The following ZNF829 variants were observed in gnomAD, a reference collection of about 807,000 sequenced individuals.
The protein encoded by ZNF829 is zinc finger protein 829.
A neutral mutation model predicts 35.2 loss-of-function variants in ZNF829; 25 were observed. The observed-to-expected ratio is 0.71, with a 90% CI of 0.52 to 0.99. The LOEUF (loss-of-function observed/expected upper bound fraction) is 0.99. Among genes scored for constraint, ZNF829 ranks in the 50% least tolerant of loss-of-function variants. The pLI is 0.00. For missense variants in ZNF829, 417 were observed against 515.3 expected (o/e 0.81, Z 1.85); for synonymous variants, 136 against 163.2 (o/e 0.83, Z 1.27).
chr19:36,902,004 T>A, intron 5 of ZNF829: 1 of 710,122 alleles, frequency 1.4e-6, no homozygotes, highest in Non-Finnish European at 2.6e-6. Context: ...CATGTGCGGT[T>A]GTCCAGAATA....
intron 3 of ZNF829, among the ~76,000 whole-genome samples, chr19:36,913,673 G>GAAGAAA (rs1473021643): frequency 1.3e-5 from 2 of 152,132 alleles, no homozygotes; most frequent in Non-Finnish European, 2.9e-5. Flanking sequence ...AAGGGGGAGA[G>GAAGAAA]AATGATACGG....
intron 5 of ZNF829, among the ~76,000 whole-genome samples, chr19:36,899,182 G>A (rs2073139390): frequency 6.6e-6 from 1 of 152,128 alleles, no homozygotes; most frequent in Non-Finnish European, 1.5e-5. Context: ...GCTCATAACT[G>A]TAATCCCAGC....
chr19:36,915,769 G>C (rs2010342), intron 1 of ZNF829: 136,401 of 1,262,544 alleles, frequency 0.11, 8,742 homozygotes, highest in African/African-American at 0.2. Flanking sequence ...GCTAATTTTT[G>C]TATTTTTAGT....
Position 36,915,160 on chromosome 19 carries a change from T to TG in ZNF829, c.7dup (p.His3ProfsTer22). 1 of 1,614,110 alleles carries TG rather than the reference T, an allele frequency of 6.2e-7. No homozygotes were observed. The highest frequency in any genetic ancestry group is 8.5e-7 in the Non-Finnish European group (1 of 1,180,022). Reference sequence around the variant, plus strand: ...ATGAGGAATGGAGATCAGAGGAGAATGGGGCATTCTGTCCAATTCCAGTGG... The same window carrying TG: ...ATGAGGAATGGAGATCAGAGGAGAATGGGGGCATTCTGTCCAATTCCAGTGG... On this transcript the variant is annotated frameshift_variant, in exon 2 of 6. Coordinates refer to ENST00000391711, the MANE Select transcript of ZNF829 (RefSeq NM_001037232.4). LOFTEE classifies it high-confidence loss of function.
intron 5 of ZNF829, chr19:36,892,888 C>G: frequency 2.6e-6 from 3 of 1,159,588 alleles, no homozygotes; most frequent in Non-Finnish European, 3.3e-6. Flanking sequence ...GCTCCGACTG[C>G]AAGGCCATCA....
intron 5 of ZNF829, 41 bp from the exon 6 acceptor site, chr19:36,892,512 G>A: frequency 6.6e-7 from 1 of 1,514,418 alleles, no homozygotes; most frequent in Non-Finnish European, 8.8e-7. Context: ...TCCTATTCTG[G>A]GCAAGTTAAA....
chr19:36,912,248 T>C, intron 3 of ZNF829, among the ~76,000 whole-genome samples: 1 of 152,202 alleles, frequency 6.6e-6, no homozygotes, highest in East Asian at 1.9e-4. Context: ...CTAGAGGTTG[T>C]AATTAGTAAA....
chr19:36,914,980 TAGA>T lies in ZNF829; in HGVS notation c.78_80del (p.Leu27del), dbSNP rs2073299420. On this transcript the variant is annotated inframe_deletion, in exon 3 of 6. Coordinates refer to ENST00000391711, the MANE Select transcript of ZNF829 (RefSeq NM_001037232.4). ...CCCAACACACCTTGGATACTGCTTG[TAGA>T]AGTTCATCATGCATTCTTTCCTCCT... is the stretch of plus-strand genomic sequence containing the variant. 6.2e-7 allele frequency: 1 copy of T among 1,614,052 alleles called. No homozygotes were observed. Among genetic ancestry groups the T allele is most frequent in the African/African-American group, 1.3e-5 (1 of 74,916 alleles).
intron 3 of ZNF829, among the ~76,000 whole-genome samples, chr19:36,911,190 A>G (rs2146249731): frequency 6.6e-6 from 1 of 151,618 alleles, no homozygotes; most frequent in South Asian, 2.1e-4. Context: ...TGTCTGAAGC[A>G]GGTACAGTCT....
intron 5 of ZNF829, chr19:36,892,722 C>T (rs2073070258): frequency 1.8e-6 from 1 of 568,196 alleles, no homozygotes; most frequent in South Asian, 2.9e-5. Flanking sequence ...CCAGAGTCAC[C>T]TTAAGCCTTG....
In ZNF829 at chr19:36,892,126, C is replaced by G; in HGVS notation, c.665G>C (p.Ser222Thr). Reference sequence around the variant, plus strand: ...ATGTTGAGAAAAATATGAACTACAACTAAAAGCCTTGCCACATTCCTTACA... The same window carrying G: ...ATGTTGAGAAAAATATGAACTACAAGTAAAAGCCTTGCCACATTCCTTACA... ...YECKECGKAF[S>T]CSSYFSQHQR... Residue 222 changes from serine to threonine, a missense_variant, in exon 6 of 6, where the codon AGT (serine) becomes ACT (threonine). Ser to Thr is a moderately conservative substitution (Grantham distance 58). Transcript: ENST00000391711. 1 of 1,613,990 alleles carries G rather than the reference C, an allele frequency of 6.2e-7. No homozygotes were observed. Among genetic ancestry groups the G allele is most frequent in the Non-Finnish European group, 8.5e-7 (1 of 1,179,972 alleles).
At chr19:36,901,928 C>G (rs995247295) in intron 5 of ZNF829, 1 of 761,452 alleles carries the variant, frequency 1.3e-6, no homozygotes, top group African/African-American at 1.7e-5. Flanking sequence ...TCCAGATGTG[C>G]GCACTGATAC....
rs2073032204 is a variant in ZNF829, at chr19:36,889,681, A to G, written c.*1811T>C. 6.6e-6 allele frequency: 1 copy of G among 152,042 alleles called. No homozygotes were observed. Among genetic ancestry groups the G allele is most frequent in the South Asian group, 2.1e-4 (1 of 4,828 alleles). 9.4% of individuals were successfully genotyped at this position (152,042 alleles called of 1,614,324 possible). On this transcript the variant is annotated 3_prime_UTR_variant, in exon 6 of 6. Coordinates refer to ENST00000391711, the MANE Select transcript of ZNF829 (RefSeq NM_001037232.4). ...ATCTTCTTTTTTTCTTGGTTAATCT[A>G]GCTAGTGGTCTGTCAGTTTTATCTT...
At chr19:36,902,021 G>A in intron 5 of ZNF829, 2 of 663,282 alleles carry the variant, frequency 3.0e-6, no homozygotes, top group South Asian at 1.6e-5. Flanking sequence ...AATACGTAAT[G>A]GGGATGAAGA....
chr19:36,900,519 AC>A (rs1422857463), intron 5 of ZNF829, among the ~76,000 whole-genome samples: 2 of 151,904 alleles, frequency 1.3e-5, no homozygotes, highest in African/African-American at 4.8e-5. Context: ...CCTACTATGT[AC>A]CCAAAAAATT....
chr19:36,893,106 A>C (rs1305119565), intron 5 of ZNF829: 3 of 397,684 alleles, frequency 7.5e-6, no homozygotes, highest in African/African-American at 2.1e-5. Context: ...TGTTAAGAAT[A>C]ACAAATGTGT....
At chr19:36,906,934 A>T (rs904787372) in intron 5 of ZNF829, 1 of 151,640 alleles carries the variant, frequency 6.6e-6, no homozygotes, top group Admixed American at 6.6e-5. Flanking sequence ...TAAAAATACA[A>T]AAAATTAGCT....
At chr19:36,905,314 T>C (rs2073206209) in intron 5 of ZNF829, 1 of 148,188 alleles carries the variant, frequency 6.7e-6, no homozygotes, top group Admixed American at 6.6e-5. Context: ...AAGTCAAACA[T>C]TTTTATAAGA....
At chr19:36,904,859 G>A (rs1208996549) in intron 5 of ZNF829, among the ~76,000 whole-genome samples, 10 of 152,134 alleles carry the variant, frequency 6.6e-5, no homozygotes, top group Admixed American at 6.6e-4. Context: ...TAAGAAGGGG[G>A]TGAATTAGCA....
Sources: allele counts gnomAD v4.1 joint callset (sites outside exome capture counted in the v4.1 genomes callset), GRCh38; gene constraint gnomAD v4.1.1; transcripts MANE v1.5; gene names NCBI Gene and HGNC (gene_info 2026-07-23, HGNC 2026-07-21).